Variants in PCCA observed in about 807,000 individuals in gnomAD.
PCCA encodes propionyl-CoA carboxylase alpha chain, mitochondrial.
Under a neutral mutation model 101.3 loss-of-function variants are expected in PCCA, and 74 were observed. The ratio of observed to expected loss-of-function variants is 0.73; its 90% CI spans 0.61 to 0.89. PCCA has a LOEUF of 0.89. Among genes scored for constraint, PCCA ranks in the 40% least tolerant of loss-of-function variants. The pLI is 0.00. For missense variants in PCCA, 891 were observed against 907.0 expected (o/e 0.98, Z 0.23); for synonymous variants, 294 against 313.6 (o/e 0.94, Z 0.66).
intron 21 of PCCA, among the ~76,000 whole-genome samples, chr13:100,451,649 C>G (rs941038851): frequency 6.6e-6 from 1 of 151,750 alleles, no homozygotes; most frequent in African/African-American, 2.4e-5. Flanking sequence ...AAAATGGCAA[C>G]TTGAACTAAT....
At chr13:100,383,364 C>T (rs999349680) in intron 19 of PCCA, among the ~76,000 whole-genome samples, 4 of 151,868 alleles carry the variant, frequency 2.6e-5, no homozygotes, top group African/African-American at 4.8e-5. Flanking sequence ...GCGTGGCTCA[C>T]GCCTGTAATC....
intron 4 of PCCA, among the ~76,000 whole-genome samples, chr13:100,140,315 A>G (rs1478388585): frequency 2.0e-5 from 3 of 152,158 alleles, no homozygotes; most frequent in Admixed American, 6.5e-5. Flanking sequence ...TTGAAGAAGA[A>G]TGTTTCTTCT....
intron 16 of PCCA, among the ~76,000 whole-genome samples, chr13:100,326,226 G>A (rs113131473): frequency 3.3e-5 from 5 of 152,264 alleles, no homozygotes; most frequent in African/African-American, 1.2e-4. Flanking sequence ...AAGGTGGAGT[G>A]GGGGTTGAAG....
intron 4 of PCCA, among the ~76,000 whole-genome samples, chr13:100,113,666 T>C (rs1594156465): frequency 6.6e-6 from 1 of 151,664 alleles, no homozygotes; most frequent in African/African-American, 2.4e-5. Flanking sequence ...GCAACCTCTG[T>C]CTCCCGGGTT....
At chr13:100,327,024 A>G (rs893634563) in intron 16 of PCCA, among the ~76,000 whole-genome samples, 4 of 152,008 alleles carry the variant, frequency 2.6e-5, no homozygotes, top group Admixed American at 6.6e-5. Context: ...ACTAGGCTCA[A>G]TTTTTTTCTA....
intron 21 of PCCA, among the ~76,000 whole-genome samples, chr13:100,509,815 G>GTGTT: frequency 7.5e-6 from 1 of 133,766 alleles, no homozygotes; most frequent in Non-Finnish European, 1.6e-5. Flanking sequence ...TGGGTTTTTT[G>GTGTT]TTTTGTGTTT....
rs1438492258 is a variant in PCCA at position 100,340,228 on chromosome 13, T to A, written c.1612T>A (p.Leu538Ile). The part of the protein sequence containing the change: ...IASSLFVAFQ[L>I]RAQHFQENSR... ...ATCATCATTGTTTGTGGCATTCCAG[T>A]TAAGAGCACAACATTTTCAAGAAAA... is the stretch of plus-strand genomic sequence containing the variant. Residue 538 changes from leucine (L) to isoleucine (I), a missense_variant, in exon 18 of 24, where the codon TTA becomes ATA. Leu to Ile is a conservative substitution (Grantham distance 5). Transcript: ENST00000376285. The A allele has an allele frequency of 6.2e-7, 1 of 1,605,748 alleles. No individual in the cohort carries two copies. Among genetic ancestry groups the A allele is most frequent in the Non-Finnish European group, 8.5e-7 (1 of 1,172,408 alleles).
chr13:100,301,652 A>G (rs756050831), intron 13 of PCCA, 49 bp downstream of exon 13: 1 of 1,600,860 alleles, frequency 6.2e-7, no homozygotes, highest in Admixed American at 1.7e-5. Context: ...GTCCAGAGTC[A>G]TGAGACCTGG....
chr13:100,529,452 T>A (rs1176744224), intron 23 of PCCA, among the ~76,000 whole-genome samples: 3 of 152,130 alleles, frequency 2.0e-5, no homozygotes, highest in Admixed American at 2.0e-4. Context: ...TCCTTGCTAA[T>A]TTTAAGTCAG....
intron 19 of PCCA, among the ~76,000 whole-genome samples, chr13:100,416,428 C>T (rs939129631): frequency 9.9e-5 from 15 of 152,100 alleles, no homozygotes; most frequent in South Asian, 2.1e-4. Context: ...GTACTCCGCC[C>T]GCCTCGGCCT....
intron 1 of PCCA, among the ~76,000 whole-genome samples, chr13:100,095,029 G>A (rs1360736933): frequency 6.6e-6 from 1 of 152,136 alleles, no homozygotes; most frequent in East Asian, 1.9e-4. Flanking sequence ...GCATGAGCAG[G>A]GCCATGCTTC....
chr13:100,232,767 T>C (rs1370563681), intron 7 of PCCA, among the ~76,000 whole-genome samples: 1 of 152,174 alleles, frequency 6.6e-6, no homozygotes, highest in Non-Finnish European at 1.5e-5. Context: ...TTCTCCCTAG[T>C]ATTCTTGCCT....
At chr13:100,416,177 G>C (rs1476484666) in intron 19 of PCCA, among the ~76,000 whole-genome samples, 1 of 151,864 alleles carries the variant, frequency 6.6e-6, no homozygotes, top group Admixed American at 6.6e-5. Context: ...CTTGAAATAG[G>C]ACATAAATCA....
intron 12 of PCCA, among the ~76,000 whole-genome samples, chr13:100,279,050 A>T (rs2063879404): frequency 6.6e-6 from 1 of 152,132 alleles, no homozygotes; most frequent in Non-Finnish European, 1.5e-5. Context: ...CCCACTTCTC[A>T]CCGGTGGTCT....
At chr13:100,257,449 G>T (rs2062150644) in intron 8 of PCCA, 146 bp from the exon 9 acceptor site, 3 of 695,354 alleles carry the variant, frequency 4.3e-6, no homozygotes, top group East Asian at 2.7e-5. Context: ...TTACTTTCCT[G>T]GTGTTATTTT....
intron 7 of PCCA, among the ~76,000 whole-genome samples, chr13:100,222,313 G>A (rs546257569): frequency 1.3e-5 from 2 of 152,252 alleles, no homozygotes; most frequent in South Asian, 2.1e-4. Context: ...CTGAGCTTGG[G>A]TGATCCGCCC....
chr13:100,337,567 A>C (rs1321735985), intron 17 of PCCA, among the ~76,000 whole-genome samples: 1 of 152,248 alleles, frequency 6.6e-6, no homozygotes, highest in Non-Finnish European at 1.5e-5. Flanking sequence ...GTTGGAACTG[A>C]GTACCCCCCT....
At chr13:100,459,643 C>T (rs2082040878) in intron 21 of PCCA, among the ~76,000 whole-genome samples, 1 of 152,200 alleles carries the variant, frequency 6.6e-6, no homozygotes, top group African/African-American at 2.4e-5. Context: ...TGAAGTCAGG[C>T]TGTTGAACAT....
intron 4 of PCCA, among the ~76,000 whole-genome samples, chr13:100,126,732 C>G (rs954247099): frequency 2.0e-5 from 3 of 152,104 alleles, no homozygotes; most frequent in Non-Finnish European, 4.4e-5. Flanking sequence ...CAGCATAAAT[C>G]CATGAGCAAA....
Sources: gnomAD v4.1 joint callset for allele counts (sites outside exome capture counted in the v4.1 genomes callset) on GRCh38, gnomAD v4.1.1 for gene constraint, MANE v1.5 for transcripts, NCBI Gene and HGNC (gene_info 2026-07-23, HGNC 2026-07-21) for gene names.